ZNF778: variants seen among roughly 807,000 people sequenced by gnomAD.
The protein encoded by ZNF778 is zinc finger protein 778.
Under a neutral mutation model 23.9 loss-of-function variants are expected in ZNF778, and 37 were observed. The ratio of observed to expected loss-of-function variants is 1.54; its 90% CI spans 1.19 to 2.03. The LOEUF is 2.03. ZNF778 is among the 30% of genes most tolerant of loss of function. The pLI, the probability that ZNF778 is intolerant of heterozygous loss-of-function variation, is 0.00. For missense variants in ZNF778, 1,297 were observed against 934.4 expected (o/e 1.39, Z -5.06); for synonymous variants, 483 against 343.9 (o/e 1.40, Z -4.48).
Position 89,234,073 on chromosome 16 carries a change from C to A in ZNF778, c.*5511C>A. 1.6e-6 allele frequency: 1 copy of A among 644,100 alleles called. No homozygotes were observed. The highest frequency in any genetic ancestry group is 1.5e-5 in the South Asian group (1 of 68,238). The allele number at this position is 644,100 out of a possible 1,614,324, so 39.9% of individuals were successfully genotyped here. A position where few individuals can be genotyped will look rare whatever the true frequency, so the allele number is the denominator to read the frequency against. On this transcript the variant is annotated 3_prime_UTR_variant, in exon 7 of 7. Coordinates refer to ENST00000433976, the MANE Select transcript of ZNF778 (RefSeq NM_001201407.2). ...CTGCCTCCTGCCCAGCTCTGCAGCT[C>A]CCCTTGGGCCCTGCCTGGAGTGATG...
chr16:89,223,088 C>G, intron 3 of ZNF778, 69 bp from the exon 4 acceptor site: 1 of 1,560,294 alleles, frequency 6.4e-7, no homozygotes, highest in Admixed American at 1.9e-5. Context: ...TAGGGCCCCG[C>G]CTCCTCATTC....
In ZNF778 at chr16:89,233,723, A is replaced by T. The variant is rs760765372; in HGVS notation, c.*5161A>T. Reference sequence around the variant, plus strand: ...TGCAACTCAACTCACTGCGTATGCAACTCAACTCGCACTGCATATGCAACT... The same window carrying T: ...TGCAACTCAACTCACTGCGTATGCATCTCAACTCGCACTGCATATGCAACT... On this transcript the variant is annotated 3_prime_UTR_variant, in exon 7 of 7. Transcript: ENST00000433976. 46 of 1,032,406 alleles carry T rather than the reference A, an allele frequency of 4.5e-5. No individual in the cohort carries two copies. The highest frequency in any genetic ancestry group is 5.5e-4 in the Middle Eastern group (2 of 3,658). 64.0% of individuals were successfully genotyped at this position (1,032,406 alleles called of 1,614,324 possible).
At position 89,228,787 on chromosome 16, in the gene ZNF778, G is replaced by A. The variant is rs1324233896; in HGVS notation, c.*225G>A. 17 of 1,326,774 alleles carry A rather than the reference G, an allele frequency of 1.3e-5. No individual in the cohort carries two copies. Among genetic ancestry groups the A allele is most frequent in the Non-Finnish European group, 1.6e-5 (17 of 1,041,066 alleles). 82.2% of individuals were successfully genotyped at this position (1,326,774 alleles called of 1,614,324 possible). A position where few individuals can be genotyped will look rare whatever the true frequency, so the allele number is the denominator to read the frequency against. ...GAATATGGATGGTATCCAGTAGAGA[G>A]AACTCTATTGATGTGTGATATGCAG... On this transcript the variant is annotated 3_prime_UTR_variant, in exon 7 of 7. Transcript: ENST00000433976.
rs2031405226 is a variant in ZNF778, at chr16:89,225,582, C to T, written c.356C>T (p.Ala119Val). Residue 119 changes from alanine (A) to valine (V), a missense_variant, in exon 6 of 7, where the codon GCA (alanine) becomes GTA (valine). By Grantham distance (64) the Ala-to-Val change is moderately conservative. Transcript: ENST00000433976. ...QEWRLKTKGP[A>V]LRQDRSWFRA... ...TGGCGACTTAAAACCAAAGGGCCAGCACTTCGGCAGGATAGATCTTGGTTC... is the reference window on the plus strand; with the variant it reads ...TGGCGACTTAAAACCAAAGGGCCAGTACTTCGGCAGGATAGATCTTGGTTC... 1.2e-6 allele frequency: 2 copies of T among 1,612,186 alleles called. No homozygotes were observed. The highest frequency in any genetic ancestry group is 1.7e-6 in the Non-Finnish European group (2 of 1,178,940).
rs771536361 is a variant in ZNF778, at chr16:89,228,824, C to A, written c.*262C>A. 337 of 1,195,578 alleles carry A rather than the reference C, an allele frequency of 2.8e-4. No homozygotes were observed. The highest frequency in any genetic ancestry group is 3.4e-4 in the Non-Finnish European group (323 of 962,592). The allele number at this position is 1,195,578 out of a possible 1,614,324, so 74.1% of individuals were successfully genotyped here. ...TGTGTGATATGCAGCAGCATTGTTG[C>A]TGTTCTGCTCAGTACTTTGATGATC... On this transcript the variant is annotated 3_prime_UTR_variant, in exon 7 of 7. Coordinates refer to ENST00000433976, the MANE Select transcript of ZNF778 (RefSeq NM_001201407.2).
chr16:89,226,511 C>T (rs1288740118), intron 6 of ZNF778, among the ~76,000 whole-genome samples, 183 bp from the exon 7 acceptor site: 3 of 152,164 alleles, frequency 2.0e-5, no homozygotes, highest in Non-Finnish European at 4.4e-5. Context: ...GTCCTGATGG[C>T]ACAGGATTCT....
In ZNF778 at chr16:89,225,688, C is replaced by G. The variant is rs1430220481; in HGVS notation, c.405+57C>G. The G allele has an allele frequency of 3.4e-6, 5 of 1,483,744 alleles. No individual in the cohort carries two copies. In the African/African-American group the frequency reaches 4.2e-5, roughly 12 times the overall value. The allele number at this position is 1,483,744 out of a possible 1,614,324, so 91.9% of individuals were successfully genotyped here. On this transcript the variant is annotated intron_variant, in intron 6 of 6. Transcript: ENST00000433976. ...TCACACTCATAAAAGATTGGGAATT[C>G]CACTATAGAAAATGAGCAAAATTGA... is the stretch of plus-strand genomic sequence containing the variant.
At position 89,234,022 on chromosome 16, in the gene ZNF778, G is replaced by A; in HGVS notation, c.*5460G>A. ...CTGCCTTTCCTGTGAAAACCCTGTG[G>A]CCTCTGCCTCCCCTGGCTCTGACTT... On this transcript the variant is annotated 3_prime_UTR_variant, in exon 7 of 7. Coordinates refer to ENST00000433976, the MANE Select transcript of ZNF778 (RefSeq NM_001201407.2). 9.4e-7 allele frequency: 1 copy of A among 1,060,562 alleles called. No individual in the cohort carries two copies. The highest frequency in any genetic ancestry group is 1.3e-6 in the Non-Finnish European group (1 of 779,744). The allele number at this position is 1,060,562 out of a possible 1,614,324, so 65.7% of individuals were successfully genotyped here. A position where few individuals can be genotyped will look rare whatever the true frequency, so the allele number is the denominator to read the frequency against.
In ZNF778 at chr16:89,225,553, A is replaced by C; in HGVS notation, c.329-2A>C. 2 of 1,600,182 alleles carry C rather than the reference A, an allele frequency of 1.2e-6. No individual in the cohort carries two copies. Among genetic ancestry groups the C allele is most frequent in the Non-Finnish European group, 1.7e-6 (2 of 1,173,006 alleles). The stretch of plus-strand genomic sequence containing the variant: ...TTTTAGGTCATTCTTCTTTCTTTTC[A>C]GAATGGCGACTTAAAACCAAAGGGC... On this transcript the variant is annotated splice_acceptor_variant, in intron 5 of 6. Transcript: ENST00000433976. LOFTEE classifies it high-confidence loss of function.
At chr16:89,224,314 C>T (rs2031262358) in intron 4 of ZNF778, among the ~76,000 whole-genome samples, 1 of 150,806 alleles carries the variant, frequency 6.6e-6, no homozygotes, top group Admixed American at 6.6e-5. Flanking sequence ...GTGGCTCACG[C>T]CTGTAATCCG....
Position 89,224,717 on chromosome 16 carries a change from A to C in ZNF778, c.245-2A>C, listed in dbSNP as rs1053396400. On this transcript the variant is annotated splice_acceptor_variant, in intron 4 of 6. Transcript: ENST00000433976. LOFTEE classifies it high-confidence loss of function. ...CATCGATGTCTCTTTCCCTGTGTAC[A>C]GGACATCACCTGTTCCAACCCAGTG... 6.5e-7 allele frequency: 1 copy of C among 1,534,724 alleles called. No homozygotes were observed. Among genetic ancestry groups the C allele is most frequent in the Non-Finnish European group, 8.7e-7 (1 of 1,145,882 alleles).
At chr16:89,220,485 A>G (rs1456197624) in intron 1 of ZNF778, among the ~76,000 whole-genome samples, 2 of 152,020 alleles carry the variant, frequency 1.3e-5, no homozygotes, top group African/African-American at 2.4e-5. Flanking sequence ...GTGAAACCCC[A>G]CCTCTACTAA....
At position 89,226,702 on chromosome 16, in the gene ZNF778, C is replaced by T; in HGVS notation, c.414C>T (p.Ser138=). The T allele has an allele frequency of 6.2e-7, 1 of 1,608,552 alleles. No homozygotes were observed. Among genetic ancestry groups the T allele is most frequent in the Non-Finnish European group, 8.5e-7 (1 of 1,176,316 alleles). ...TCATTCTTCACCAACAGGCAAGAAG[C>T]CACAATGGAGGGCAGCTCTGTGACC... ...RASNETQTAR[S]HNGGQLCDRT... is the part of the protein sequence containing the mutation. Residue 138 remains serine, a synonymous_variant, in exon 7 of 7, where the codon AGC becomes AGT. Transcript: ENST00000433976.
chr16:89,233,672 G>T lies in ZNF778; in HGVS notation c.*5110G>T. ...CTGCATATGCAATTCAACTCGCACTGCGTATGCAAATCAACTTACTGCATA... is the reference window on the plus strand; with the variant it reads ...CTGCATATGCAATTCAACTCGCACTTCGTATGCAAATCAACTTACTGCATA... On this transcript the variant is annotated 3_prime_UTR_variant, in exon 7 of 7. Coordinates refer to ENST00000433976, the MANE Select transcript of ZNF778 (RefSeq NM_001201407.2). The T allele has an allele frequency of 7.8e-7, 1 of 1,284,978 alleles. No homozygotes were observed. The highest frequency in any genetic ancestry group is 1.0e-6 in the Non-Finnish European group (1 of 987,860). 79.6% of individuals were successfully genotyped at this position (1,284,978 alleles called of 1,614,324 possible).
Position 89,237,069 on chromosome 16 carries a change from TC to T in ZNF778, c.*8508del, listed in dbSNP as rs1305839861. On this transcript the variant is annotated 3_prime_UTR_variant, in exon 7 of 7. Coordinates refer to ENST00000433976, the MANE Select transcript of ZNF778 (RefSeq NM_001201407.2). ...GCCTGGGTGACAGAGCAAGACTCTG[TC>T]TAAAAAAAAAAAGGACAATGAGATA... 1 of 5,370 alleles carries T rather than the reference TC, an allele frequency of 1.9e-4. No homozygotes were observed. The highest frequency in any genetic ancestry group is 5.1e-4 in the Non-Finnish European group (1 of 1,976). The allele number at this position is 5,370 out of a possible 1,614,324, so 0.3% of individuals were successfully genotyped here. A position where few individuals can be genotyped will look rare whatever the true frequency, so the allele number is the denominator to read the frequency against.
At chr16:89,217,942 T>C (rs2030504475) in intron 1 of ZNF778, 32 bp downstream of exon 1, 3 of 152,362 alleles carry the variant, frequency 2.0e-5, no homozygotes, top group African/African-American at 7.2e-5. Context: ...TCCTTCACTT[T>C]GAACAGGGCG....
chr16:89,228,663 G>A lies in ZNF778; in HGVS notation c.*101G>A. 5.3e-6 allele frequency: 8 copies of A among 1,504,516 alleles called. No individual in the cohort carries two copies. The South Asian group carries it at 9.9e-5, about 19-fold the overall frequency. 93.2% of individuals were successfully genotyped at this position (1,504,516 alleles called of 1,614,324 possible). A position where few individuals can be genotyped will look rare whatever the true frequency, so the allele number is the denominator to read the frequency against. On this transcript the variant is annotated 3_prime_UTR_variant, in exon 7 of 7. Coordinates refer to ENST00000433976, the MANE Select transcript of ZNF778 (RefSeq NM_001201407.2). ...TCCATGACTTGAGGAATGTGGCTAGGCAATCAGCATCTCATCACAACCCGG... is the reference window on the plus strand; with the variant it reads ...TCCATGACTTGAGGAATGTGGCTAGACAATCAGCATCTCATCACAACCCGG...
rs1453601883 is a variant in ZNF778 at position 89,217,816 on chromosome 16, C to G, written c.-226C>G. On this transcript the variant is annotated 5_prime_UTR_variant, in exon 1 of 7. Coordinates refer to ENST00000433976, the MANE Select transcript of ZNF778 (RefSeq NM_001201407.2). ...GGTCCGGGAGTGGGCGCCCGCCCGC[C>G]TGCCTCGCGCCTTGCGCCCCCGGCA... 1 of 152,282 alleles carries G rather than the reference C, an allele frequency of 6.6e-6. No individual in the cohort carries two copies. The highest frequency in any genetic ancestry group is 1.5e-5 in the Non-Finnish European group (1 of 68,066). 9.4% of individuals were successfully genotyped at this position (152,282 alleles called of 1,614,324 possible).
chr16:89,219,904 T>G (rs1007693891), intron 1 of ZNF778, among the ~76,000 whole-genome samples: 5 of 152,262 alleles, frequency 3.3e-5, no homozygotes, highest in Non-Finnish European at 7.3e-5. Flanking sequence ...AGGGGATGTC[T>G]TTATGTAATC....
Sources: allele counts gnomAD v4.1 joint callset (sites outside exome capture counted in the v4.1 genomes callset), GRCh38; gene constraint gnomAD v4.1.1; transcripts MANE v1.5; gene names NCBI Gene and HGNC (gene_info 2026-07-23, HGNC 2026-07-21).